The following ACSL5 variants were observed in gnomAD, a reference collection of about 807,000 sequenced individuals.
The protein encoded by ACSL5 is long-chain-fatty-acid--CoA ligase 5.
Under a neutral mutation model 84.9 loss-of-function variants are expected in ACSL5, and 50 were observed. The observed-to-expected ratio is 0.59, with a 90% CI of 0.47 to 0.75. The LOEUF is 0.75. Among genes scored for constraint, ACSL5 ranks in the 30% least tolerant of loss-of-function variants. ACSL5 has a pLI of 0.00. For missense variants in ACSL5, 775 were observed against 830.4 expected, an observed-to-expected ratio of 0.93 and a Z score of 0.82; for synonymous variants, 280 against 300.7, an observed-to-expected ratio of 0.93 and a Z score of 0.71.
intron 7 of ACSL5, 99 bp from the exon 8 acceptor site, chr10:112,410,364 T>C (rs766879817): frequency 1.3e-6 from 2 of 1,586,152 alleles, no homozygotes; most frequent in Non-Finnish European, 1.7e-6. Flanking sequence ...TATATTCCCA[T>C]AGAGATGTTC....
intron 12 of ACSL5, among the ~76,000 whole-genome samples, chr10:112,416,296 C>G (rs1414808050): frequency 6.6e-6 from 1 of 151,844 alleles, no homozygotes; most frequent in Non-Finnish European, 1.5e-5. Context: ...ATGGTGAAAC[C>G]CTGTCTCTAC....
At chr10:112,403,946 A>AGATTGGAATTGGAAGAG (rs1564737178) in intron 3 of ACSL5, among the ~76,000 whole-genome samples, 1 of 152,238 alleles carries the variant, frequency 6.6e-6, no homozygotes, top group Non-Finnish European at 1.5e-5. Context: ...TACTTAGGTC[A>AGATTGGAATTGGAAGAG]GATTGGGAGA....
chr10:112,378,519 T>G (rs1231905692), intron 1 of ACSL5, among the ~76,000 whole-genome samples: 2 of 152,094 alleles, frequency 1.3e-5, no homozygotes, highest in Non-Finnish European at 2.9e-5. Context: ...AGTGCTGGGA[T>G]TACAGGTGTG....
intron 17 of ACSL5, 117 bp downstream of exon 17, chr10:112,422,558 G>A (rs1181791050): frequency 1.6e-5 from 15 of 926,566 alleles, no homozygotes; most frequent in Non-Finnish European, 2.5e-5. Context: ...AGCTGGAGGG[G>A]ATTAGGTTTG....
At chr10:112,378,131 A>C (rs955279822) in intron 1 of ACSL5, among the ~76,000 whole-genome samples, 10 of 151,034 alleles carry the variant, frequency 6.6e-5, no homozygotes, top group Non-Finnish European at 1.5e-4. Flanking sequence ...TGGAGGAAGG[A>C]GAGAGAAATG....
chr10:112,417,482 A>C (rs980527919), intron 13 of ACSL5, among the ~76,000 whole-genome samples: 16 of 151,292 alleles, frequency 1.1e-4, no homozygotes, highest in African/African-American at 3.6e-4. Flanking sequence ...CAGCCTGGGC[A>C]GTAGGGCCAG....
chr10:112,383,045 G>A (rs1273750051), intron 1 of ACSL5, among the ~76,000 whole-genome samples: 1 of 152,182 alleles, frequency 6.6e-6, no homozygotes, highest in East Asian at 1.9e-4. Context: ...GAGGCAGGTG[G>A]ATCGCTTCAG....
Position 112,397,169 on chromosome 10 carries a change from C to CT in ACSL5, c.157-1715dup, listed in dbSNP as rs141789967. On this transcript the variant is annotated intron_variant, in intron 2 of 20. Coordinates refer to ENST00000354655, the MANE Select transcript of ACSL5 (RefSeq NM_203379.2). ...ATAGATTCCTAGCTACTCCCTTTTT[C>CT]TTTTTTTTTTTTTTTTTAGAGGAAG... Among the ~76,000 whole-genome samples, 703 of 139,884 alleles carry CT rather than the reference C, an allele frequency of 5.0e-3. 2 individuals are homozygous for CT. The highest frequency in any genetic ancestry group is 0.025 in the South Asian group (108 of 4,340). The allele number at this position is 139,884 out of a possible 152,430, so 91.8% of individuals were successfully genotyped here. A position where few individuals can be genotyped will look rare whatever the true frequency, so the allele number is the denominator to read the frequency against.
At chr10:112,394,809 C>CGT (rs759062236) in intron 1 of ACSL5, 109 bp from the exon 2 acceptor site, 42 of 1,504,140 alleles carry the variant, frequency 2.8e-5, no homozygotes, top group East Asian at 2.5e-4. Context: ...GGCGTGCGCG[C>CGT]GTGTGTGTGT....
At chr10:112,420,534 C>T (rs964281981) in intron 14 of ACSL5, among the ~76,000 whole-genome samples, 2 of 152,046 alleles carry the variant, frequency 1.3e-5, no homozygotes, top group African/African-American at 4.8e-5. Context: ...TAAAGTTTGC[C>T]CACCCTTGTT....
At chr10:112,404,904 C>A in intron 5 of ACSL5, 98 bp downstream of exon 5, 2 of 1,022,992 alleles carry the variant, frequency 2.0e-6, no homozygotes, top group Non-Finnish European at 2.9e-6. Context: ...TTGTTAATGC[C>A]TTACCAAAGC....
chr10:112,394,772 A>T (rs1275434446), intron 1 of ACSL5, 146 bp from the exon 2 acceptor site: 1 of 1,473,242 alleles, frequency 6.8e-7, no homozygotes, highest in Non-Finnish European at 8.9e-7. Flanking sequence ...GCCACTAGAG[A>T]GGTACAACTG....
chr10:112,426,062 T>C (rs896119299), intron 18 of ACSL5, among the ~76,000 whole-genome samples, 196 bp from the exon 19 acceptor site: 1 of 146,716 alleles, frequency 6.8e-6, no homozygotes. Context: ...ATCTTTGTAA[T>C]GAGATATTGA....
At chr10:112,404,295 G>T (rs941923484) in intron 3 of ACSL5, among the ~76,000 whole-genome samples, 1 of 152,152 alleles carries the variant, frequency 6.6e-6, no homozygotes, top group African/African-American at 2.4e-5. Flanking sequence ...CCTGTTTTGT[G>T]TAGCATTTCC....
chr10:112,419,653 G>T (rs185423011), intron 14 of ACSL5: 81 of 152,268 alleles, frequency 5.3e-4, no homozygotes, highest in Admixed American at 5.3e-3. Flanking sequence ...TCAAACATTT[G>T]GATTAGAATA....
chr10:112,385,819 CA>C (rs1338224065), intron 1 of ACSL5, among the ~76,000 whole-genome samples: 3 of 152,154 alleles, frequency 2.0e-5, no homozygotes, highest in African/African-American at 7.2e-5. Flanking sequence ...AACTTGCCAA[CA>C]TTTCTGTTTA....
intron 14 of ACSL5, chr10:112,419,440 G>C (rs1447995498): frequency 6.6e-6 from 1 of 152,160 alleles, no homozygotes; most frequent in Non-Finnish European, 1.5e-5. Flanking sequence ...GAGTAATACA[G>C]GTTGAGTATC....
At chr10:112,421,118 C>T (rs1844450416) in intron 14 of ACSL5, among the ~76,000 whole-genome samples, 1 of 152,116 alleles carries the variant, frequency 6.6e-6, no homozygotes, top group Non-Finnish European at 1.5e-5. Context: ...AAATACTTTG[C>T]AGCTTGGGTA....
At chr10:112,421,195 G>T (rs1480000292) in intron 14 of ACSL5, among the ~76,000 whole-genome samples, 1 of 152,176 alleles carries the variant, frequency 6.6e-6, no homozygotes, top group Admixed American at 6.5e-5. Context: ...GTCTCGCTCT[G>T]TCACCCAGGC....
Sources: gnomAD v4.1 joint callset for allele counts (sites outside exome capture counted in the v4.1 genomes callset) on GRCh38, gnomAD v4.1.1 for gene constraint, MANE v1.5 for transcripts, NCBI Gene and HGNC (gene_info 2026-07-23, HGNC 2026-07-21) for gene names.